Variants in RUFY3 observed in about 807,000 individuals in gnomAD.
The protein encoded by RUFY3 is RUN and FYVE domain containing 3.
A neutral mutation model predicts 84.0 loss-of-function variants in RUFY3; 34 were observed. The ratio of observed to expected loss-of-function variants is 0.40; its 90% confidence interval spans 0.31 to 0.54. RUFY3 has a LOEUF of 0.54. Ranked by LOEUF, RUFY3 falls within the 20% of genes least tolerant of loss-of-function variation. The probability of loss-of-function intolerance (pLI) is 0.39; values close to 1 mark genes in which losing one functional copy is unlikely to be tolerated. For missense variants in RUFY3, 507 were observed against 736.8 expected, an observed-to-expected ratio of 0.69 and a Z score of 3.61; for synonymous variants, 242 against 252.9, an observed-to-expected ratio of 0.96 and a Z score of 0.41.
intron 4 of RUFY3, among the ~76,000 whole-genome samples, chr4:70,768,116 C>T (rs1726300774): frequency 1.3e-5 from 2 of 152,168 alleles, no homozygotes; most frequent in Middle Eastern, 3.4e-3. Context: ...ATTACAGGTG[C>T]GAACCACCAT....
At position 70,760,690 on chromosome 4, in the gene RUFY3, T is replaced by C. The variant is rs183714510; in HGVS notation, c.179-1829T>C. On this transcript the variant is annotated intron_variant, in intron 1 of 17. Coordinates refer to ENST00000381006, the MANE Select transcript of RUFY3 (RefSeq NM_001037442.4). ...GCATAGTTTTCCATGTATTTTGCTG[T>C]CCTCTTGTGAGAATACTACCCTTGA... Among the ~76,000 whole-genome samples the C allele has an allele frequency of 2.4e-3, 368 of 152,356 alleles. 1 individual carries two copies. Among genetic ancestry groups the C allele is most frequent in the African/African-American group, 8.0e-3 (331 of 41,578 alleles).
intron 1 of RUFY3, among the ~76,000 whole-genome samples, chr4:70,706,892 C>T (rs527647965): frequency 6.6e-6 from 1 of 152,342 alleles, no homozygotes; most frequent in South Asian, 2.1e-4. Flanking sequence ...GTACTTTAAA[C>T]ACCGCCTCTT....
chr4:70,784,728 C>T, intron 9 of RUFY3, 68 bp from the exon 10 acceptor site: 1 of 913,058 alleles, frequency 1.1e-6, no homozygotes, highest in Admixed American at 3.5e-5. Context: ...TGCTAAGTAG[C>T]AGTGTTAGTG....
intron 15 of RUFY3, 52 bp from the exon 16 acceptor site, chr4:70,802,904 T>A: frequency 7.3e-7 from 1 of 1,369,586 alleles, no homozygotes; most frequent in Non-Finnish European, 1.0e-6. Flanking sequence ...ATGATATAAA[T>A]GAAAATACAT....
chr4:70,785,285 T>G (rs1729595842), intron 10 of RUFY3, among the ~76,000 whole-genome samples: 1 of 152,098 alleles, frequency 6.6e-6, no homozygotes, highest in Non-Finnish European at 1.5e-5. Context: ...TATTTCTGAT[T>G]TATTATTGGT....
At chr4:70,799,996 CAT>C in intron 14 of RUFY3, 143 bp from the exon 15 acceptor site, 5 of 636,124 alleles carry the variant, frequency 7.9e-6, no homozygotes. Context: ...AATGAGGAAA[CAT>C]AGCTTGAAAG....
chr4:70,756,518 T>C (rs1724045592), intron 1 of RUFY3, among the ~76,000 whole-genome samples: 1 of 152,192 alleles, frequency 6.6e-6, no homozygotes, highest in South Asian at 2.1e-4. Context: ...CAGTGTTGTT[T>C]TTCTTCTGTG....
chr4:70,783,286 A>G, intron 9 of RUFY3, 103 bp downstream of exon 9: 1 of 715,638 alleles, frequency 1.4e-6, no homozygotes, highest in South Asian at 1.7e-5. Context: ...GGCCTGTATC[A>G]AGCACACTTT....
At chr4:70,767,290 A>C (rs1341592663) in intron 4 of RUFY3, among the ~76,000 whole-genome samples, 4 of 39,822 alleles carry the variant, frequency 1.0e-4, no homozygotes, top group Non-Finnish European at 2.0e-4. Flanking sequence ...TTTTTTTTTT[A>C]GTAGAGACAG....
At chr4:70,780,001 T>C (rs1479467454) in intron 8 of RUFY3, among the ~76,000 whole-genome samples, 1 of 152,228 alleles carries the variant, frequency 6.6e-6, no homozygotes, top group African/African-American at 2.4e-5. Flanking sequence ...ATGAACATTT[T>C]CATTATTATA....
upstream of RUFY3, among the ~76,000 whole-genome samples, chr4:70,720,888 CGTGTGTGTGTGTGT>C (rs71210198): frequency 2.2e-4 from 31 of 138,556 alleles, no homozygotes; most frequent in South Asian, 9.7e-4. Flanking sequence ...AATATAGGGC[CGTGTGTGTGTGTGT>C]GTGTGTGTGT....
intron 6 of RUFY3, among the ~76,000 whole-genome samples, chr4:70,774,068 A>C (rs1023043167): frequency 6.6e-6 from 1 of 152,228 alleles, no homozygotes; most frequent in Non-Finnish European, 1.5e-5. Context: ...TATGGTACTT[A>C]GTAATTAGAG....
At chr4:70,752,740 C>G (rs1048481042) in intron 1 of RUFY3, among the ~76,000 whole-genome samples, 46 of 152,246 alleles carry the variant, frequency 3.0e-4, no homozygotes, top group African/African-American at 1.1e-3. Context: ...TTGGACCGAC[C>G]TTGCATTCTG....
rs747251585 is a variant in RUFY3, at chr4:70,806,541, C to G, written c.1745C>G (p.Thr582Ser). 6.2e-7 allele frequency: 1 copy of G among 1,614,116 alleles called. No homozygotes were observed. The highest frequency in any genetic ancestry group is 1.1e-5 in the South Asian group (1 of 91,078). Reference sequence around the variant, plus strand: ...AATGTGTGTAAGAACTGCAGCGGAACCTTCTGTGATGCCTGTTCAACAAAT... The same window carrying G: ...AATGTGTGTAAGAACTGCAGCGGAAGCTTCTGTGATGCCTGTTCAACAAAT... Reference protein sequence around the residue: ...TKNVCKNCSGTFCDACSTNEL... With the variant: ...TKNVCKNCSGSFCDACSTNEL... Residue 582 changes from threonine (T) to serine (S), a missense_variant, in exon 18 of 18, where the codon ACC becomes AGC. Around this residue, in one of 4 missense-constraint regions of RUFY3, gnomAD observed 334 missense variants for 364.1 expected, o/e 0.92. Coordinates refer to ENST00000381006, the MANE Select transcript of RUFY3 (RefSeq NM_001037442.4).
chr4:70,774,476 A>G (rs1386245953), intron 6 of RUFY3, among the ~76,000 whole-genome samples: 2 of 149,662 alleles, frequency 1.3e-5, no homozygotes, highest in African/African-American at 4.9e-5. Context: ...ATAGCCAGGC[A>G]TTATGGCGGG....
intron 14 of RUFY3, among the ~76,000 whole-genome samples, chr4:70,796,285 T>C (rs1560571283): frequency 1.3e-5 from 2 of 152,210 alleles, no homozygotes; most frequent in South Asian, 4.1e-4. Flanking sequence ...GCAAAATGCC[T>C]TCAGCATCCC....
chr4:70,773,379 A>G, intron 5 of RUFY3, 132 bp from the exon 6 acceptor site: 1 of 626,670 alleles, frequency 1.6e-6, no homozygotes, highest in East Asian at 2.8e-5. Flanking sequence ...GTAAAACAGT[A>G]CATTTTTAAT....
At chr4:70,740,087 T>C (rs1223463853) in intron 1 of RUFY3, among the ~76,000 whole-genome samples, 1 of 151,932 alleles carries the variant, frequency 6.6e-6, no homozygotes, top group Non-Finnish European at 1.5e-5. Context: ...TCTGAAAAGA[T>C]TTAAGCTGGT....
In RUFY3 at chr4:70,765,612, A is replaced by G. The variant is rs554276317; in HGVS notation, c.572+1036A>G. ...AGGCTTTTGGGACAATAAACTGTCA[A>G]AGAACCTTGTTCATTCCAGTTCTAC... On this transcript the variant is annotated intron_variant, in intron 4 of 17. Transcript: ENST00000381006. Among the ~76,000 whole-genome samples the G allele has an allele frequency of 2.6e-5, 4 of 152,348 alleles. No individual in the cohort carries two copies. The South Asian group carries it at 6.2e-4, about 24-fold the overall frequency.
Sources: gnomAD v4.1 joint callset for allele counts (sites outside exome capture counted in the v4.1 genomes callset) on GRCh38, gnomAD v4.1.1 for gene constraint, gnomAD v4.1.1 regional missense constraint, MANE v1.5 for transcripts, NCBI Gene and HGNC (gene_info 2026-07-23, HGNC 2026-07-21) for gene names.